The following SSBP3 variants were observed in gnomAD, a reference collection of about 807,000 sequenced individuals.
The protein encoded by SSBP3 is single-stranded DNA-binding protein 3.
A neutral mutation model predicts 69.6 loss-of-function variants in SSBP3; 5 were observed. That is an observed-to-expected ratio of 0.07 (90% confidence interval 0.04 to 0.15). SSBP3 has a LOEUF of 0.15. Among genes scored for constraint, SSBP3 ranks in the 10% least tolerant of loss-of-function variants. The pLI, the probability that SSBP3 is intolerant of heterozygous loss-of-function variation, is 1.00. For missense variants in SSBP3, 312 were observed against 534.0 expected, an observed-to-expected ratio of 0.58 and a Z score of 4.10; for synonymous variants, 196 against 193.4, an observed-to-expected ratio of 1.01 and a Z score of -0.11.
chr1:54,288,787 G>T (rs944553017), intron 4 of SSBP3, among the ~76,000 whole-genome samples: 9 of 152,018 alleles, frequency 5.9e-5, no homozygotes, highest in Admixed American at 3.3e-4. Context: ...GGGAGGCCAA[G>T]GTGGGCGGAT....
rs1011154912 is a variant in SSBP3 at position 54,258,931 on chromosome 1, G to A, written c.367-782C>T. ...TCGAGGGATGAAGGAACTTGGCCAT[G>A]GCCATAAAACTGGTCAGTGGCAGAG... On this transcript the variant is annotated intron_variant, in intron 5 of 17. Coordinates refer to ENST00000610401, the Ensembl canonical transcript of SSBP3. The surrounding 1 kb of genome is among the most constrained non-coding windows in gnomAD (Gnocchi z 4.5). Among the ~76,000 whole-genome samples, 1 of 152,222 alleles carries A rather than the reference G, an allele frequency of 6.6e-6. No homozygotes were observed. Among genetic ancestry groups the A allele is most frequent in the African/African-American group, 2.4e-5 (1 of 41,450 alleles).
intron 4 of SSBP3, among the ~76,000 whole-genome samples, chr1:54,293,721 C>T (rs551883853): frequency 6.6e-5 from 10 of 152,246 alleles, no homozygotes; most frequent in Non-Finnish European, 1.3e-4. Flanking sequence ...TCACACCTGA[C>T]TGTTAATTCC....
chr1:54,276,415 G>A (rs967327617), intron 5 of SSBP3, among the ~76,000 whole-genome samples: 9 of 151,462 alleles, frequency 5.9e-5, no homozygotes, highest in East Asian at 3.9e-4. Flanking sequence ...ATTCGAGACC[G>A]GCCTGGCCAG....
chr1:54,239,826 G>A (rs2100629482), intron 13 of SSBP3, among the ~76,000 whole-genome samples: 1 of 152,310 alleles, frequency 6.6e-6, no homozygotes, highest in South Asian at 2.1e-4. Flanking sequence ...CTGCTATGGG[G>A]AGCCGAGGAG....
chr1:54,346,777 T>C lies in SSBP3; in HGVS notation c.276+55084A>G, dbSNP rs1557551516. Among the ~76,000 whole-genome samples, 5 of 149,224 alleles carry C rather than the reference T, an allele frequency of 3.4e-5. No homozygotes were observed. The South Asian group carries it at 8.5e-4, about 25-fold the overall frequency. On this transcript the variant is annotated intron_variant, in intron 4 of 17. Coordinates refer to ENST00000610401, the Ensembl canonical transcript of SSBP3. ...TTGCAGTGAGCCGAGATTGCACCAC[T>C]GCACTCTAGCCTGGGCAATAGAGTG...
chr1:54,361,376 G>C (rs1037279560), intron 4 of SSBP3, among the ~76,000 whole-genome samples: 4 of 152,084 alleles, frequency 2.6e-5, no homozygotes, highest in Non-Finnish European at 4.4e-5. Flanking sequence ...CCCTTCTCAG[G>C]AAATTAAACA....
chr1:54,368,594 ACT>A (rs1255331613), intron 4 of SSBP3, among the ~76,000 whole-genome samples: 1 of 152,198 alleles, frequency 6.6e-6, no homozygotes, highest in African/African-American at 2.4e-5. Flanking sequence ...TGTGAGAATT[ACT>A]GTCTTTTTTT....
intron 4 of SSBP3, among the ~76,000 whole-genome samples, chr1:54,288,809 G>A (rs904881906): frequency 6.6e-6 from 1 of 151,918 alleles, no homozygotes; most frequent in African/African-American, 2.4e-5. Flanking sequence ...ACAAGGTCAG[G>A]AGATCGAGAC....
At chr1:54,249,785 A>AG (rs1644796057) in intron 9 of SSBP3, among the ~76,000 whole-genome samples, 1 of 45,142 alleles carries the variant, frequency 2.2e-5, no homozygotes, top group African/African-American at 9.7e-5. Flanking sequence ...CTGTTAAAAG[A>AG]AAAAAAAAAA....
chr1:54,232,544 A>G (rs1644397811), intron 14 of SSBP3, among the ~76,000 whole-genome samples: 1 of 152,214 alleles, frequency 6.6e-6, no homozygotes, highest in Admixed American at 6.5e-5. Context: ...AACCTGGGCA[A>G]CATAGTGAGA....
chr1:54,402,489 C>G (rs1308072459), intron 3 of SSBP3, among the ~76,000 whole-genome samples: 1 of 152,106 alleles, frequency 6.6e-6, no homozygotes, highest in Non-Finnish European at 1.5e-5. Flanking sequence ...GCTCTTAATC[C>G]CAGAGCCCGC....
At position 54,308,557 on chromosome 1, in the gene SSBP3, C is replaced by T. The variant is rs371682246; in HGVS notation, c.277-27030G>A. Among the ~76,000 whole-genome samples the T allele has an allele frequency of 2.7e-5, 4 of 149,344 alleles. No individual in the cohort carries two copies. The South Asian group carries it at 8.5e-4, about 32-fold the overall frequency. On this transcript the variant is annotated intron_variant, in intron 4 of 17. Coordinates refer to ENST00000610401, the Ensembl canonical transcript of SSBP3. ...CGGAGCTTGCAGTGAGCCAAGATTG[C>T]GCCACTGCACTCCAGCCTGGCCGAC...
intron 5 of SSBP3, among the ~76,000 whole-genome samples, chr1:54,270,792 G>A (rs529180770): frequency 2.4e-4 from 36 of 152,236 alleles, no homozygotes; most frequent in Middle Eastern, 3.4e-3. Context: ...TCTCGCAGCC[G>A]ACCTAAGATG....
At chr1:54,380,997 A>G (rs1490311388) in intron 4 of SSBP3, among the ~76,000 whole-genome samples, 1 of 151,472 alleles carries the variant, frequency 6.6e-6, no homozygotes, top group African/African-American at 2.4e-5. Flanking sequence ...ATGGTGGTAC[A>G]AGCCTGTAAT....
At chr1:54,405,864 GCCCCCGCCCGCCCGCCCACCTGCCTC>G in intron 1 of SSBP3, 63 bp downstream of exon 1, 2 of 138,884 alleles carry the variant, frequency 1.4e-5, no homozygotes, top group Non-Finnish European at 3.0e-5. Flanking sequence ...GCAGCCTCCG[GCCCCCGCCCGCCCGCCCACCTGCCTC>G]CCACCGCCCG....
At chr1:54,247,987 G>T (rs965770224) in intron 9 of SSBP3, among the ~76,000 whole-genome samples, 1 of 152,182 alleles carries the variant, frequency 6.6e-6, no homozygotes, top group East Asian at 1.9e-4. Flanking sequence ...CAAAGGACAG[G>T]GTGATACCTG....
exon 11 of SSBP3, chr1:54,242,181 G>T (rs754418766): frequency 4.3e-6 from 7 of 1,613,546 alleles, no homozygotes; most frequent in Non-Finnish European, 5.9e-6. Flanking sequence ...GCACTGTTAG[G>T]ATTGGGCCAG....
chr1:54,253,836 T>C (rs1389922069), intron 7 of SSBP3, among the ~76,000 whole-genome samples: 1 of 152,208 alleles, frequency 6.6e-6, no homozygotes, highest in Non-Finnish European at 1.5e-5. Flanking sequence ...GGCTTGGCAG[T>C]CACTCTCTCC....
rs761228157 is a variant in SSBP3 at position 54,241,462 on chromosome 1, C to A, written c.801+12G>T. 1 of 1,614,106 alleles carries A rather than the reference C, an allele frequency of 6.2e-7. No homozygotes were observed. The highest frequency in any genetic ancestry group is 1.1e-5 in the South Asian group (1 of 91,086). On this transcript the variant is annotated intron_variant, in intron 12 of 17. Coordinates refer to ENST00000610401, the Ensembl canonical transcript of SSBP3. ...TGGCTAGACATGCAATGCCCCAAAC[C>A]CACACACTTACCACATAGGTACCAG...
Sources: allele counts gnomAD v4.1 joint callset (sites outside exome capture counted in the v4.1 genomes callset), GRCh38; gene constraint gnomAD v4.1.1; non-coding constraint Gnocchi (gnomAD v3.1); transcripts MANE v1.5; gene names NCBI Gene and HGNC (gene_info 2026-07-23, HGNC 2026-07-21).